Variants in ITPR2 observed in about 807,000 individuals in gnomAD.
ITPR2 encodes inositol 1,4,5-trisphosphate-gated calcium channel ITPR2.
A neutral mutation model predicts 317.1 loss-of-function variants in ITPR2; 207 were observed. The ratio of observed to expected loss-of-function variants is 0.65; its 90% CI spans 0.58 to 0.73. The LOEUF (loss-of-function observed/expected upper bound fraction) is 0.73, where lower values mean the gene tolerates loss of function less well. Among genes scored for constraint, ITPR2 ranks in the 30% least tolerant of loss-of-function variants. The pLI, the probability that ITPR2 is intolerant of heterozygous loss-of-function variation, is 0.00. For missense variants in ITPR2, 2,613 were observed against 3,284.0 expected (o/e 0.80, Z 4.99); for synonymous variants, 1,156 against 1,149.1 (o/e 1.01, Z -0.12).
At chr12:26,622,156 C>T in intron 25 of ITPR2, 84 bp downstream of exon 25, 2 of 1,267,140 alleles carry the variant, frequency 1.6e-6, no homozygotes, top group South Asian at 1.6e-5. Context: ...GTGTCATTAC[C>T]TCTGCAGCCA....
intron 53 of ITPR2, 46 bp downstream of exon 53, chr12:26,400,081 TA>T (rs749012374): frequency 3.3e-5 from 52 of 1,557,050 alleles, no homozygotes; most frequent in South Asian, 1.6e-4. Flanking sequence ...AAGAAAGGTT[TA>T]AAAAAAAGAT....
At chr12:26,663,641 T>C (rs1392105186) in intron 15 of ITPR2, 44 bp downstream of exon 15, 6 of 1,536,704 alleles carry the variant, frequency 3.9e-6, no homozygotes, top group East Asian at 2.3e-5. Context: ...ACCTTGCCCA[T>C]ACTTTACATA....
intron 45 of ITPR2, among the ~76,000 whole-genome samples, chr12:26,444,472 A>T (rs1941561498): frequency 6.6e-6 from 1 of 152,120 alleles, no homozygotes; most frequent in African/African-American, 2.4e-5. Flanking sequence ...CTCCCAGCAC[A>T]ATGCCTGCCT....
At chr12:26,588,305 G>A (rs1348662042) in intron 32 of ITPR2, among the ~76,000 whole-genome samples, 1 of 152,202 alleles carries the variant, frequency 6.6e-6, no homozygotes, top group Non-Finnish European at 1.5e-5. Context: ...TTGGGAAGGT[G>A]CAGAGAAAAC....
At chr12:26,403,178 C>T (rs11048499) in intron 52 of ITPR2, among the ~76,000 whole-genome samples, 47,574 of 151,920 alleles carry the variant, frequency 0.31, 8,152 homozygotes, top group East Asian at 0.6. Flanking sequence ...TGAGCAAAGG[C>T]AAACAGGCAC....
chr12:26,749,566 T>G (rs1461231842), intron 2 of ITPR2, among the ~76,000 whole-genome samples: 1 of 152,216 alleles, frequency 6.6e-6, no homozygotes, highest in Non-Finnish European at 1.5e-5. Flanking sequence ...AGGGTGATGA[T>G]CACAGGATTA....
chr12:26,485,860 G>A (rs1252617125), intron 41 of ITPR2, among the ~76,000 whole-genome samples: 1 of 152,166 alleles, frequency 6.6e-6, no homozygotes, highest in Non-Finnish European at 1.5e-5. Context: ...AAAAATATTT[G>A]AGGCTAAAAA....
At chr12:26,342,099 C>T (rs542335453) in intron 55 of ITPR2, among the ~76,000 whole-genome samples, 1 of 152,222 alleles carries the variant, frequency 6.6e-6, no homozygotes, top group Non-Finnish European at 1.5e-5. Flanking sequence ...TCACACACAG[C>T]CCAAGTGGAT....
At chr12:26,569,352 G>T (rs2137050569) in intron 34 of ITPR2, among the ~76,000 whole-genome samples, 1 of 152,050 alleles carries the variant, frequency 6.6e-6, no homozygotes, top group South Asian at 2.1e-4. Flanking sequence ...CCAGAAATTT[G>T]AGACCACCCT....
At chr12:26,624,207 T>C in intron 24 of ITPR2, 92 bp downstream of exon 24, 2 of 845,958 alleles carry the variant, frequency 2.4e-6, no homozygotes, top group South Asian at 1.7e-5. Flanking sequence ...TAAAAATAAA[T>C]AGATATAGAG....
At chr12:26,599,458 A>G (rs1271014333) in intron 29 of ITPR2, 113 bp from the exon 30 acceptor site, 2 of 951,132 alleles carry the variant, frequency 2.1e-6, no homozygotes, top group South Asian at 1.6e-5. Context: ...ACGAAGCCAC[A>G]GTGAATTTTC....
chr12:26,799,994 C>T (rs1014539363), intron 1 of ITPR2, among the ~76,000 whole-genome samples: 33 of 152,320 alleles, frequency 2.2e-4, no homozygotes, highest in Admixed American at 1.6e-3. Context: ...ATCACACTGT[C>T]ATTCCTATCT....
At chr12:26,385,030 T>C (rs540125679) in intron 55 of ITPR2, among the ~76,000 whole-genome samples, 1 of 152,286 alleles carries the variant, frequency 6.6e-6, no homozygotes, top group African/African-American at 2.4e-5. Context: ...CTGCACTCTA[T>C]GAGGCACTTT....
At chr12:26,702,909 A>G (rs769070526) in intron 9 of ITPR2, among the ~76,000 whole-genome samples, 29 of 151,678 alleles carry the variant, frequency 1.9e-4, no homozygotes, top group Admixed American at 5.3e-4. Context: ...ACCAAAAAAA[A>G]GATGCTATTC....
chr12:26,577,766 G>A (rs991796493), intron 34 of ITPR2, among the ~76,000 whole-genome samples: 2 of 152,040 alleles, frequency 1.3e-5, no homozygotes, highest in African/African-American at 4.8e-5. Context: ...TGCAAACAGG[G>A]AGAAATGACT....
chr12:26,763,435 G>A (rs1481318818), intron 2 of ITPR2, among the ~76,000 whole-genome samples: 1 of 151,984 alleles, frequency 6.6e-6, no homozygotes, highest in East Asian at 1.9e-4. Context: ...TCCAAAAAAC[G>A]ATGAGATGTA....
intron 19 of ITPR2, 89 bp from the exon 20 acceptor site, chr12:26,655,941 T>C (rs1947360725): frequency 1.5e-6 from 2 of 1,294,802 alleles, no homozygotes; most frequent in Middle Eastern, 5.1e-4. Context: ...GGGTGCATAA[T>C]CTTGGATAAA....
At chr12:26,340,642 G>A (rs1313878644) in intron 55 of ITPR2, among the ~76,000 whole-genome samples, 1 of 152,188 alleles carries the variant, frequency 6.6e-6, no homozygotes, top group Non-Finnish European at 1.5e-5. Flanking sequence ...GGAGGCTGGG[G>A]GAGCAGATCC....
chr12:26,515,685 G>A (rs866211122), intron 37 of ITPR2, among the ~76,000 whole-genome samples: 2 of 151,978 alleles, frequency 1.3e-5, no homozygotes, highest in South Asian at 2.1e-4. Context: ...CCACATGGCC[G>A]AGCCGCATCC....
Sources: allele counts gnomAD v4.1 joint callset (sites outside exome capture counted in the v4.1 genomes callset), GRCh38; gene constraint gnomAD v4.1.1; transcripts MANE v1.5; gene names NCBI Gene and HGNC (gene_info 2026-07-23, HGNC 2026-07-21).